ARL6IP6: variants seen among roughly 807,000 people sequenced by gnomAD.
The protein encoded by ARL6IP6 is ARF like GTPase 6 interacting protein 6.
Under a neutral mutation model 21.5 loss-of-function variants are expected in ARL6IP6, and 22 were observed. The observed-to-expected ratio is 1.02, with a 90% CI of 0.73 to 1.46. The LOEUF is 1.46. Among genes scored for constraint, ARL6IP6 ranks in the 40% most tolerant of loss-of-function variants. ARL6IP6 has a pLI of 0.00. For missense variants in ARL6IP6, 388 were observed against 299.8 expected, an observed-to-expected ratio of 1.29 and a Z score of -2.17; for synonymous variants, 164 against 125.3, an observed-to-expected ratio of 1.31 and a Z score of -2.06.
At chr2:152,734,822 T>C (rs746693349) in intron 2 of ARL6IP6, among the ~76,000 whole-genome samples, 172 bp from the exon 3 acceptor site, 13 of 152,244 alleles carry the variant, frequency 8.5e-5, no homozygotes, top group Non-Finnish European at 1.9e-4. Flanking sequence ...TTTAGTAATG[T>C]ACACTTATTT....
chr2:152,729,097 C>T (rs991642061), intron 2 of ARL6IP6, among the ~76,000 whole-genome samples: 1 of 151,768 alleles, frequency 6.6e-6, no homozygotes, highest in Non-Finnish European at 1.5e-5. Context: ...TTTGGCTGGG[C>T]ACAGTTGCTC....
Position 152,735,139 on chromosome 2 carries a change from G to T in ARL6IP6, c.587+13G>T. The stretch of plus-strand genomic sequence containing the variant: ...CTGCCAGGTTCAAGTAAGTATTCCT[G>T]TTTCCTGTTTCTTTTTTAAATGCAT... On this transcript the variant is annotated intron_variant, in intron 3 of 3. Transcript: ENST00000326446. The T allele has an allele frequency of 1.2e-6, 2 of 1,612,104 alleles. No individual in the cohort carries two copies. Among genetic ancestry groups the T allele is most frequent in the South Asian group, 2.2e-5 (2 of 90,968 alleles).
chr2:152,721,519 C>T (rs1699789535), intron 2 of ARL6IP6, among the ~76,000 whole-genome samples: 1 of 152,160 alleles, frequency 6.6e-6, no homozygotes, highest in South Asian at 2.1e-4. Context: ...GAAAACTTTA[C>T]CTGTCCAGCA....
chr2:152,758,432 G>A (rs1701684566), intron 3 of ARL6IP6, among the ~76,000 whole-genome samples: 1 of 152,010 alleles, frequency 6.6e-6, no homozygotes. Context: ...GAATGATAAT[G>A]CTGATTGTTC....
At chr2:152,722,281 A>G (rs539838113) in intron 2 of ARL6IP6, among the ~76,000 whole-genome samples, 3 of 152,242 alleles carry the variant, frequency 2.0e-5, no homozygotes, top group Non-Finnish European at 2.9e-5. Context: ...AGATTTTGCT[A>G]ATGGCATGAA....
chr2:152,718,940 G>C lies in ARL6IP6; in HGVS notation c.316G>C (p.Val106Leu), dbSNP rs777747176. The C allele has an allele frequency of 6.2e-7, 1 of 1,613,508 alleles. No individual in the cohort carries two copies. The highest frequency in any genetic ancestry group is 1.7e-5 in the Admixed American group (1 of 59,924). Residue 106 changes from valine (V) to leucine (L), a missense_variant, in exon 1 of 4, where the codon GTC becomes CTC. Physicochemically the swap from Val to Leu is conservative, Grantham distance 32. Coordinates refer to ENST00000326446, the MANE Select transcript of ARL6IP6 (RefSeq NM_152522.7). ...CAGAGCCCAGCCTCGGCGGTGGCCG[G>C]TCCAGGTCCTCTCTATTCTCTGCTC... is the stretch of plus-strand genomic sequence containing the variant. ...GSRAQPRRWP[V>L]QVLSILCSLL... is the part of the protein sequence containing the mutation.
intron 2 of ARL6IP6, among the ~76,000 whole-genome samples, chr2:152,724,808 C>G (rs1279218943): frequency 1.3e-5 from 2 of 152,016 alleles, no homozygotes; most frequent in Non-Finnish European, 2.9e-5. Flanking sequence ...TCATTTTTGA[C>G]AAGTTTTGAG....
At chr2:152,736,914 A>G (rs1016849436) in intron 3 of ARL6IP6, among the ~76,000 whole-genome samples, 4 of 152,174 alleles carry the variant, frequency 2.6e-5, no homozygotes, top group Non-Finnish European at 5.9e-5. Flanking sequence ...TTGAACATTC[A>G]TGGATTTTGG....
intron 1 of ARL6IP6, chr2:152,719,847 A>G (rs1699672891): frequency 4.4e-6 from 2 of 456,640 alleles, no homozygotes; most frequent in Admixed American, 2.5e-5. Flanking sequence ...TTCATTAAAT[A>G]TAATTAAATC....
Position 152,735,004 on chromosome 2 carries a change from T to C in ARL6IP6, c.465T>C (p.Thr155=), listed in dbSNP as rs1424907423. ...DVDTGLLGFW[T]LLIISLTAGF... is the part of the protein sequence containing the mutation. ...TCTTTTCCTGTTAAGGATTCTGGACTCTACTTATAATATCCCTAACTGCTG... is the reference window on the plus strand; with the variant it reads ...TCTTTTCCTGTTAAGGATTCTGGACCCTACTTATAATATCCCTAACTGCTG... The change falls in exon 3 of 4, where the codon ACT becomes ACC. Residue 155 remains threonine, a synonymous_variant. Transcript: ENST00000326446. 1.2e-6 allele frequency: 2 copies of C among 1,612,826 alleles called. No individual in the cohort carries two copies. Among genetic ancestry groups the C allele is most frequent in the Non-Finnish European group, 1.7e-6 (2 of 1,178,998 alleles).
intron 3 of ARL6IP6, among the ~76,000 whole-genome samples, chr2:152,742,216 C>T (rs1700843786): frequency 6.6e-6 from 1 of 152,106 alleles, no homozygotes. Context: ...GTTAATGCAT[C>T]TAACTATGTT....
chr2:152,746,712 G>A (rs1407738559), intron 3 of ARL6IP6, among the ~76,000 whole-genome samples: 3 of 151,314 alleles, frequency 2.0e-5, no homozygotes, highest in Non-Finnish European at 4.4e-5. Flanking sequence ...AGTGTCAGAG[G>A]TTTTCTTTTC....
At chr2:152,732,186 T>C (rs981440086) in intron 2 of ARL6IP6, among the ~76,000 whole-genome samples, 3 of 151,966 alleles carry the variant, frequency 2.0e-5, no homozygotes, top group Admixed American at 6.6e-5. Flanking sequence ...TACAGAGATA[T>C]ATTGTCCTAA....
intron 3 of ARL6IP6, 46 bp downstream of exon 3, chr2:152,735,172 C>A: frequency 6.3e-7 from 1 of 1,593,664 alleles, no homozygotes; most frequent in Non-Finnish European, 8.6e-7. Flanking sequence ...CATTTCAACT[C>A]TTGAAAATAC....
At chr2:152,739,677 A>G (rs983684584) in intron 3 of ARL6IP6, among the ~76,000 whole-genome samples, 10 of 152,210 alleles carry the variant, frequency 6.6e-5, no homozygotes, top group African/African-American at 2.4e-4. Flanking sequence ...ATTTTCAGGT[A>G]TGTTTACAGC....
chr2:152,736,448 C>T (rs1381741868), intron 3 of ARL6IP6, among the ~76,000 whole-genome samples: 1 of 152,130 alleles, frequency 6.6e-6, no homozygotes, highest in Non-Finnish European at 1.5e-5. Flanking sequence ...GCTTTGAAGC[C>T]ATCAATATCC....
intron 1 of ARL6IP6, 132 bp downstream of exon 1, chr2:152,719,156 T>G: frequency 9.4e-7 from 1 of 1,058,470 alleles, no homozygotes; most frequent in Non-Finnish European, 1.3e-6. Context: ...AGAGTCCTCA[T>G]TTGCATCTTA....
Position 152,762,307 on chromosome 2 carries a change from G to A in ARL6IP6, c.*2467G>A, listed in dbSNP as rs912501840. Among the ~76,000 whole-genome samples the A allele has an allele frequency of 6.6e-6, 1 of 152,188 alleles. No individual in the cohort carries two copies. Among genetic ancestry groups the A allele is most frequent in the African/African-American group, 2.4e-5 (1 of 41,440 alleles). ...AGGCTGATAACGGATATTGCTAATG[G>A]CGTTACCCTGGTCCCTGAAGCCCAG... is the stretch of plus-strand genomic sequence containing the variant. On this transcript the variant is annotated 3_prime_UTR_variant, in exon 4 of 4. Coordinates refer to ENST00000326446, the MANE Select transcript of ARL6IP6 (RefSeq NM_152522.7).
chr2:152,754,200 T>C (rs1701471994), intron 3 of ARL6IP6, among the ~76,000 whole-genome samples: 1 of 152,138 alleles, frequency 6.6e-6, no homozygotes, highest in Admixed American at 6.5e-5. Flanking sequence ...CCCATACCCA[T>C]TAGCAATCAC....
Sources: gnomAD v4.1 joint callset for allele counts (sites outside exome capture counted in the v4.1 genomes callset) on GRCh38, gnomAD v4.1.1 for gene constraint, MANE v1.5 for transcripts, NCBI Gene and HGNC (gene_info 2026-07-23, HGNC 2026-07-21) for gene names.